The following PANK4 variants were observed in gnomAD, a reference collection of about 807,000 sequenced individuals.
PANK4 encodes pantothenate kinase 4 (inactive), also known as 4'-phosphopantetheine phosphatase.
In PANK4, 40 loss-of-function variants were observed where a neutral mutation model predicts 87.9. That is an observed-to-expected ratio of 0.46 (90% CI 0.35 to 0.59). The LOEUF (loss-of-function observed/expected upper bound fraction) is 0.59. Among genes scored for constraint, PANK4 ranks in the 20% least tolerant of loss-of-function variants. The probability of loss-of-function intolerance (pLI) is 0.00; values close to 1 mark genes in which losing one functional copy is unlikely to be tolerated. For synonymous variants in PANK4, 524 were observed against 467.4 expected (o/e 1.12, Z -1.56); for missense variants, 926 against 1,072.3 (o/e 0.86, Z 1.90).
intron 13 of PANK4, among the ~76,000 whole-genome samples, chr1:2,511,957 A>C (rs1643669620): frequency 6.6e-6 from 1 of 152,246 alleles, no homozygotes; most frequent in South Asian, 2.1e-4. Context: ...AATCACTCCC[A>C]GGCAGAACAG....
rs760254092 is a variant in PANK4, at chr1:2,519,187, C to T, written c.991G>A (p.Val331Met). Residue 331 changes from valine (V) to methionine (M), a missense_variant, in exon 7 of 19, where the codon GTG becomes ATG. By Grantham distance (21) the Val-to-Met change is conservative (BLOSUM62 1). Coordinates refer to ENST00000378466, the MANE Select transcript of PANK4 (RefSeq NM_018216.4). This position sits in a 1 kb window ranked among gnomAD's most constrained non-coding sequence, Gnocchi z 8.3. ...FGGFFIRGHP[V>M]TMRTITYSIN... ...CTATAGGTGATGGTGCGCATGGTCA[C>T]GGGGTGGCCCCGGATAAAGAAGCCT... is the stretch of plus-strand genomic sequence containing the variant. The T allele has an allele frequency of 5.0e-6, 8 of 1,612,608 alleles. No individual in the cohort carries two copies. The highest frequency in any genetic ancestry group is 2.2e-5 in the East Asian group (1 of 44,888).
chr1:2,517,580 C>A (rs1643804492), intron 9 of PANK4, among the ~76,000 whole-genome samples: 1 of 152,242 alleles, frequency 6.6e-6, no homozygotes, highest in African/African-American at 2.4e-5. Context: ...GTGGCTGACG[C>A]AGGTCCTGGC....
chr1:2,513,070 T>G, intron 12 of PANK4, 31 bp from the exon 13 acceptor site: 1 of 1,563,476 alleles, frequency 6.4e-7, no homozygotes, highest in Non-Finnish European at 8.7e-7. Context: ...CAGGCCTGAG[T>G]GAAGACGTGG....
At chr1:2,524,492 G>C (rs765535855) in intron 1 of PANK4, among the ~76,000 whole-genome samples, 8 of 152,200 alleles carry the variant, frequency 5.3e-5, no homozygotes, top group Non-Finnish European at 8.8e-5. Context: ...CCCAGACGCA[G>C]GGAGAAACTT....
chr1:2,520,030 T>C lies in PANK4; in HGVS notation c.700-76A>G, dbSNP rs1643861860. 1 of 1,404,562 alleles carries C rather than the reference T, an allele frequency of 7.1e-7. No homozygotes were observed. Among genetic ancestry groups the C allele is most frequent in the Non-Finnish European group, 9.6e-7 (1 of 1,045,426 alleles). The allele number at this position is 1,404,562 out of a possible 1,614,324, so 87.0% of individuals were successfully genotyped here. ...CCCACGACCCCAGAAACCAAGCCCATGGCAGGAGGCACGCGCGGGCAGGGG... is the reference window on the plus strand; with the variant it reads ...CCCACGACCCCAGAAACCAAGCCCACGGCAGGAGGCACGCGCGGGCAGGGG... On this transcript the variant is annotated intron_variant, in intron 5 of 18. Transcript: ENST00000378466. The surrounding 1 kb of genome is among the most constrained non-coding windows in gnomAD (Gnocchi z 6.2).
rs768577935 is a variant in PANK4, at chr1:2,521,722, C to T, written c.203G>A (p.Gly68Glu). Residue 68 changes from glycine to glutamate, a missense_variant, in exon 2 of 19, where the codon GGA (glycine) becomes GAA (glutamate). By Grantham distance (98) the Gly-to-Glu change is moderately conservative. Coordinates refer to ENST00000378466, the MANE Select transcript of PANK4 (RefSeq NM_018216.4). ...GTGGCCACAGTGCAGGCTCACCTTT[C>T]CGGAGTGGTCGAAAGACCGCACCTT... ...VAKVRSFDHS[G>E]KDTEREHEPP... The T allele has an allele frequency of 2.2e-5, 35 of 1,613,498 alleles. No homozygotes were observed. The South Asian group carries it at 3.4e-4, about 16-fold the overall frequency.
In PANK4 at chr1:2,519,352, T is replaced by C. The variant is rs950799529; in HGVS notation, c.854-28A>G. The C allele has an allele frequency of 1.2e-5, 18 of 1,538,654 alleles. No homozygotes were observed. Among genetic ancestry groups the C allele is most frequent in the Admixed American group, 1.8e-5 (1 of 56,432 alleles). ...GAGGAAGGGAAGGAAAAGGCACTCATCTCCAAGTACAGCAAGTGCACGACA... is the reference window on the plus strand; with the variant it reads ...GAGGAAGGGAAGGAAAAGGCACTCACCTCCAAGTACAGCAAGTGCACGACA... On this transcript the variant is annotated intron_variant, in intron 6 of 18. Transcript: ENST00000378466. This position sits in a 1 kb window ranked among gnomAD's most constrained non-coding sequence, Gnocchi z 8.3.
Position 2,509,146 on chromosome 1 carries a change from G to A in PANK4, c.2109-86C>T. 9.6e-7 allele frequency: 1 copy of A among 1,037,708 alleles called. No individual in the cohort carries two copies. The highest frequency in any genetic ancestry group is 2.3e-5 in the Admixed American group (1 of 43,978). The allele number at this position is 1,037,708 out of a possible 1,614,324, so 64.3% of individuals were successfully genotyped here. A position where few individuals can be genotyped will look rare whatever the true frequency, so the allele number is the denominator to read the frequency against. On this transcript the variant is annotated intron_variant, in intron 18 of 18. Transcript: ENST00000378466. This position sits in a 1 kb window ranked among gnomAD's most constrained non-coding sequence, Gnocchi z 4.9. Reference sequence around the variant, plus strand: ...CAGTGCGGCGACCAACGTGAAGGCTGAAACCCCTACCGCTCAATTCCCTGA... The same window carrying A: ...CAGTGCGGCGACCAACGTGAAGGCTAAAACCCCTACCGCTCAATTCCCTGA...
Position 2,520,295 on chromosome 1 carries a change from G to C in PANK4, c.699+27C>G. ...GAAGCAGACATCTCCGCAGACCCCT[G>C]GAAGGTCTCTGGCAGCTGCCGCATA... On this transcript the variant is annotated intron_variant, in intron 5 of 18. Transcript: ENST00000378466. The surrounding 1 kb of genome is among the most constrained non-coding windows in gnomAD (Gnocchi z 6.2). The C allele has an allele frequency of 6.3e-7, 1 of 1,593,758 alleles. No individual in the cohort carries two copies. Among genetic ancestry groups the C allele is most frequent in the Non-Finnish European group, 8.6e-7 (1 of 1,162,546 alleles).
chr1:2,515,660 G>A lies in PANK4; in HGVS notation c.1276C>T (p.Leu426=). The A allele has an allele frequency of 1.2e-6, 2 of 1,613,224 alleles. No individual in the cohort carries two copies. The highest frequency in any genetic ancestry group is 1.7e-6 in the Non-Finnish European group (2 of 1,179,946). The change falls in exon 10 of 19, where the codon CTG becomes TTG. Residue 426 remains leucine (L), a synonymous_variant. Coordinates refer to ENST00000378466, the MANE Select transcript of PANK4 (RefSeq NM_018216.4). The surrounding 1 kb of genome is among the most constrained non-coding windows in gnomAD (Gnocchi z 5.0). ...TCGGGCACGTAGGAGGGCGGGTCCAGGAGGAGCGGCAGGTCAACCAGTGGC... is the reference window on the plus strand; with the variant it reads ...TCGGGCACGTAGGAGGGCGGGTCCAAGAGGAGCGGCAGGTCAACCAGTGGC... ...ERPLVDLPLL[L]DPPSYVPDTV...
In PANK4 at chr1:2,515,951, C is replaced by T. The variant is rs1271412749; in HGVS notation, c.1219-234G>A. 13 of 578,454 alleles carry T rather than the reference C, an allele frequency of 2.2e-5. No homozygotes were observed. Among genetic ancestry groups the T allele is most frequent in the South Asian group, 4.0e-5 (2 of 49,388 alleles). 35.8% of individuals were successfully genotyped at this position (578,454 alleles called of 1,614,324 possible). On this transcript the variant is annotated intron_variant, in intron 9 of 18. Coordinates refer to ENST00000378466, the MANE Select transcript of PANK4 (RefSeq NM_018216.4). The surrounding 1 kb of genome is among the most constrained non-coding windows in gnomAD (Gnocchi z 5.0). Reference sequence around the variant, plus strand: ...TGGGGTTGCGTCTGCTCCCACCACACGCCTCCTGCCCCCAGCACCTCCCCG... The same window carrying T: ...TGGGGTTGCGTCTGCTCCCACCACATGCCTCCTGCCCCCAGCACCTCCCCG...
chr1:2,509,771 G>C lies in PANK4; in HGVS notation c.2108+91C>G. 1 of 1,142,006 alleles carries C rather than the reference G, an allele frequency of 8.8e-7. No homozygotes were observed. Among genetic ancestry groups the C allele is most frequent in the Non-Finnish European group, 1.3e-6 (1 of 766,530 alleles). The allele number at this position is 1,142,006 out of a possible 1,614,324, so 70.7% of individuals were successfully genotyped here. Reference sequence around the variant, plus strand: ...GAGAGGCCGCAGGGGCAGTCCTGAGGTCGGTGTCCCGCATGCACCTGGGTG... The same window carrying C: ...GAGAGGCCGCAGGGGCAGTCCTGAGCTCGGTGTCCCGCATGCACCTGGGTG... On this transcript the variant is annotated intron_variant, in intron 18 of 18. Transcript: ENST00000378466. The surrounding 1 kb of genome is among the most constrained non-coding windows in gnomAD (Gnocchi z 4.9).
Position 2,519,251 on chromosome 1 carries a change from G to C in PANK4, c.927C>G (p.Leu309=). 6.2e-7 allele frequency: 1 copy of C among 1,612,654 alleles called. No homozygotes were observed. Among genetic ancestry groups the C allele is most frequent in the Non-Finnish European group, 8.5e-7 (1 of 1,179,792 alleles). ...ISNDIGQLAC[L]HARLHSLDRV... is the part of the protein sequence containing the mutation. ...GGTCCAGGCTGTGCAGCCGTGCGTGGAGGCAGGCCAGCTGCCCAATGTCGT... is the reference window on the plus strand; with the variant it reads ...GGTCCAGGCTGTGCAGCCGTGCGTGCAGGCAGGCCAGCTGCCCAATGTCGT... The change falls in exon 7 of 19, where the codon CTC becomes CTG. Residue 309 remains leucine, a synonymous_variant. Transcript: ENST00000378466. This position sits in a 1 kb window ranked among gnomAD's most constrained non-coding sequence, Gnocchi z 8.3.
chr1:2,514,061 G>A lies in PANK4; in HGVS notation c.1516C>T (p.Leu506=). The part of the protein sequence containing the change: ...FAYGTLTVRS[L]LDTREHCLNE... The stretch of plus-strand genomic sequence containing the variant: ...AGACAGTGCTCCCTGGTGTCCAGCA[G>A]GCTGCGCACGGTCAGGGTCCCATAG... The change falls in exon 12 of 19, where the codon CTG becomes TTG. Residue 506 remains leucine, a synonymous_variant. Coordinates refer to ENST00000378466, the MANE Select transcript of PANK4 (RefSeq NM_018216.4). 6.2e-7 allele frequency: 1 copy of A among 1,612,852 alleles called. No individual in the cohort carries two copies. The highest frequency in any genetic ancestry group is 8.5e-7 in the Non-Finnish European group (1 of 1,179,882).
At chr1:2,513,441 C>A in intron 12 of PANK4, among the ~76,000 whole-genome samples, 1 of 152,266 alleles carries the variant, frequency 6.6e-6, no homozygotes. Context: ...CATGCCTCCG[C>A]TGCTGCCCGC....
intron 1 of PANK4, among the ~76,000 whole-genome samples, chr1:2,524,856 G>C (rs1473883475): frequency 2.6e-5 from 4 of 152,224 alleles, no homozygotes; most frequent in Non-Finnish European, 5.9e-5. Context: ...GGTCTCAGAA[G>C]GCTGGGAAGC....
chr1:2,512,718 C>G, intron 13 of PANK4, 170 bp downstream of exon 13: 2 of 672,128 alleles, frequency 3.0e-6, no homozygotes, highest in African/African-American at 1.8e-5. Flanking sequence ...CCCTGCCCAG[C>G]CCCTGGCGCT....
intron 1 of PANK4, chr1:2,526,123 T>C (rs1359114141): frequency 1.3e-5 from 2 of 152,282 alleles, no homozygotes; most frequent in Non-Finnish European, 2.9e-5. Flanking sequence ...GACATAAAAT[T>C]CCGCCGACCC....
intron 9 of PANK4, among the ~76,000 whole-genome samples, chr1:2,517,868 G>A (rs1297712052): frequency 2.0e-5 from 3 of 152,210 alleles, no homozygotes; most frequent in Non-Finnish European, 4.4e-5. Context: ...AGAGGTCCCC[G>A]TCACCCCTGA....
Sources: allele counts gnomAD v4.1 joint callset (sites outside exome capture counted in the v4.1 genomes callset), GRCh38; gene constraint gnomAD v4.1.1; non-coding constraint Gnocchi (gnomAD v3.1); transcripts MANE v1.5; gene names NCBI Gene and HGNC (gene_info 2026-07-23, HGNC 2026-07-21).